NADSYN1: variants seen among roughly 807,000 people sequenced by gnomAD.
NADSYN1 encodes glutamine-dependent NAD(+) synthetase.
Under a neutral mutation model 99.3 loss-of-function variants are expected in NADSYN1, and 80 were observed. That is an observed-to-expected ratio of 0.81 (90% confidence interval 0.67 to 0.97). The LOEUF (loss-of-function observed/expected upper bound fraction) is 0.97, where lower values mean the gene tolerates loss of function less well. Ranked by LOEUF, NADSYN1 falls within the 50% of genes least tolerant of loss-of-function variation. The pLI, the probability that NADSYN1 is intolerant of heterozygous loss-of-function variation, is 0.00. For missense variants in NADSYN1, 859 were observed against 948.5 expected, an observed-to-expected ratio of 0.91 and a Z score of 1.24; for synonymous variants, 385 against 372.1, an observed-to-expected ratio of 1.03 and a Z score of -0.40.
At chr11:71,475,884 G>A (rs1010031849) in intron 9 of NADSYN1, 4 of 368,112 alleles carry the variant, frequency 1.1e-5, no homozygotes, top group Admixed American at 3.5e-5. Flanking sequence ...TAATTTTTTT[G>A]TATTTACTTA....
In NADSYN1 at chr11:71,455,143, A is replaced by G. The variant is rs1192759262; in HGVS notation, c.119A>G (p.Tyr40Cys). 2 of 1,614,132 alleles carry G rather than the reference A, an allele frequency of 1.2e-6. No individual in the cohort carries two copies. Among genetic ancestry groups the G allele is most frequent in the Admixed American group, 3.3e-5 (2 of 60,000 alleles). Residue 40 changes from tyrosine (Y) to cysteine (C), a missense_variant, in exon 2 of 21, where the codon TAC (tyrosine) becomes TGC (cysteine). Coordinates refer to ENST00000319023, the MANE Select transcript of NADSYN1 (RefSeq NM_018161.5). ...ATTGCCAAAAACAGAGGAGCAAGATACAGGCTTGGACCAGAGCTGGAAATA... is the reference window on the plus strand; with the variant it reads ...ATTGCCAAAAACAGAGGAGCAAGATGCAGGCTTGGACCAGAGCTGGAAATA... ...IEIAKNRGAR[Y>C]RLGPELEICG...
intron 8 of NADSYN1, 97 bp from the exon 9 acceptor site, chr11:71,474,298 C>T (rs993441424): frequency 1.3e-6 from 2 of 1,514,032 alleles, no homozygotes; most frequent in African/African-American, 1.4e-5. Flanking sequence ...TCAGGATGAC[C>T]TAGCGGGACT....
chr11:71,501,685 T>G lies in NADSYN1; in HGVS notation c.*333T>G. 3 of 330,400 alleles carry G rather than the reference T, an allele frequency of 9.1e-6. No homozygotes were observed. Among genetic ancestry groups the G allele is most frequent in the African/African-American group, 2.1e-5 (1 of 46,946 alleles). 20.5% of individuals were successfully genotyped at this position (330,400 alleles called of 1,614,324 possible). A position where few individuals can be genotyped will look rare whatever the true frequency, so the allele number is the denominator to read the frequency against. ...ATCTTTGCTGCAGGAACAAGAACAGTAGCTCCCGGGAAGGGAGGGGTGTCA... is the reference window on the plus strand; with the variant it reads ...ATCTTTGCTGCAGGAACAAGAACAGGAGCTCCCGGGAAGGGAGGGGTGTCA... On this transcript the variant is annotated 3_prime_UTR_variant, in exon 21 of 21. Transcript: ENST00000319023.
chr11:71,469,415 A>G (rs1190951086), intron 5 of NADSYN1, among the ~76,000 whole-genome samples: 1 of 152,234 alleles, frequency 6.6e-6, no homozygotes, highest in Admixed American at 6.5e-5. Flanking sequence ...GAGGAATTAA[A>G]GACACACACA....
At chr11:71,477,405 C>T (rs1026836374) in intron 9 of NADSYN1, 36 of 1,289,686 alleles carry the variant, frequency 2.8e-5, no homozygotes, top group East Asian at 5.6e-5. Flanking sequence ...ATGCGTGAAT[C>T]GGTCTCCTTG....
chr11:71,482,294 G>T (rs1192751361), intron 13 of NADSYN1, among the ~76,000 whole-genome samples: 1 of 152,202 alleles, frequency 6.6e-6, no homozygotes, highest in Non-Finnish European at 1.5e-5. Flanking sequence ...TGGCCTGGTG[G>T]GGAGAACACA....
intron 18 of NADSYN1, among the ~76,000 whole-genome samples, chr11:71,492,773 A>G (rs1474485547): frequency 6.6e-6 from 1 of 152,194 alleles, no homozygotes. Flanking sequence ...CGGGGACTGC[A>G]TGACACTATA....
intron 1 of NADSYN1, 123 bp downstream of exon 1, chr11:71,453,504 T>G (rs1335277333): frequency 1.2e-6 from 1 of 847,216 alleles, no homozygotes; most frequent in Non-Finnish European, 1.9e-6. Context: ...GGGCATGGGA[T>G]CAGGTGAGAT....
intron 19 of NADSYN1, 99 bp downstream of exon 19, chr11:71,497,710 A>T: frequency 2.1e-6 from 3 of 1,450,898 alleles, no homozygotes; most frequent in South Asian, 2.4e-5. Context: ...TAACAGTGTG[A>T]CCCTAACGTA....
At chr11:71,459,037 G>C in intron 3 of NADSYN1, 1 of 178,660 alleles carries the variant, frequency 5.6e-6, no homozygotes, top group Non-Finnish European at 1.2e-5. Context: ...TGTCTGTGCT[G>C]TACCCTGCAT....
intron 3 of NADSYN1, 50 bp from the exon 4 acceptor site, chr11:71,463,381 CT>C (rs1239449849): frequency 6.5e-7 from 1 of 1,527,490 alleles, no homozygotes; most frequent in Non-Finnish European, 9.1e-7. Flanking sequence ...TCCATGTGCT[CT>C]GTGTTTCATA....
chr11:71,473,468 C>G, intron 7 of NADSYN1, 101 bp from the exon 8 acceptor site: 1 of 1,531,578 alleles, frequency 6.5e-7, no homozygotes, highest in Non-Finnish European at 9.0e-7. Context: ...GTGGCCGTGG[C>G]CGTGGGCTGG....
At chr11:71,468,085 C>T (rs1949604833) in intron 5 of NADSYN1, among the ~76,000 whole-genome samples, 1 of 152,154 alleles carries the variant, frequency 6.6e-6, no homozygotes, top group African/African-American at 2.4e-5. Flanking sequence ...GAGAGAGTCA[C>T]CGGCAGCCAG....
At chr11:71,492,496 C>A (rs1949788981) in intron 18 of NADSYN1, among the ~76,000 whole-genome samples, 1 of 152,150 alleles carries the variant, frequency 6.6e-6, no homozygotes, top group East Asian at 1.9e-4. Flanking sequence ...TGGGAATATC[C>A]AGTGGTCCCA....
chr11:71,501,170 A>G, intron 20 of NADSYN1, 132 bp from the exon 21 acceptor site: 1 of 793,402 alleles, frequency 1.3e-6, no homozygotes, highest in African/African-American at 1.8e-5. Context: ...CACGCCCAGC[A>G]TCTGGTGGGG....
intron 10 of NADSYN1, chr11:71,478,853 C>T (rs1949686754): frequency 5.4e-6 from 1 of 185,704 alleles, no homozygotes; most frequent in African/African-American, 2.3e-5. Context: ...GGCTGGTCCC[C>T]ACTTCGGCAG....
chr11:71,491,892 C>A lies in NADSYN1; in HGVS notation c.1753C>A (p.Gln585Lys), dbSNP rs781273018. 7.4e-6 allele frequency: 12 copies of A among 1,613,906 alleles called. No homozygotes were observed. The highest frequency in any genetic ancestry group is 1.3e-5 in the African/African-American group (1 of 74,922). ...GCCCTTGGCTGATGGACAGGTGTCC[C>A]AGACCGACGAGGTAATGGCGGTGGC... ...LEPLADGQVSQTDEEDMGMTY... is the reference protein window; with the variant it reads ...LEPLADGQVSKTDEEDMGMTY... Residue 585 changes from glutamine (Q) to lysine (K), a missense_variant, in exon 18 of 21, where the codon CAG becomes AAG. By Grantham distance (53) the Gln-to-Lys change is moderately conservative. Coordinates refer to ENST00000319023, the MANE Select transcript of NADSYN1 (RefSeq NM_018161.5).
intron 10 of NADSYN1, chr11:71,480,403 A>G (rs1386339728): frequency 3.8e-6 from 1 of 264,904 alleles, no homozygotes; most frequent in African/African-American, 2.2e-5. Flanking sequence ...CGAACTCCTG[A>G]CCTCAGGTGA....
intron 18 of NADSYN1, among the ~76,000 whole-genome samples, chr11:71,492,373 C>T (rs1234869706): frequency 6.6e-6 from 1 of 152,100 alleles, no homozygotes; most frequent in Non-Finnish European, 1.5e-5. Flanking sequence ...GGACTTGCTG[C>T]TATAGTTTCT....
Sources: gnomAD v4.1 joint callset for allele counts (sites outside exome capture counted in the v4.1 genomes callset) on GRCh38, gnomAD v4.1.1 for gene constraint, MANE v1.5 for transcripts, NCBI Gene and HGNC (gene_info 2026-07-23, HGNC 2026-07-21) for gene names.